CNTN5: variants seen among roughly 807,000 people sequenced by gnomAD.
The protein encoded by CNTN5 is contactin 5.
A neutral mutation model predicts 129.1 loss-of-function variants in CNTN5; 77 were observed. The ratio of observed to expected loss-of-function variants is 0.60; its 90% CI spans 0.50 to 0.72. The LOEUF (loss-of-function observed/expected upper bound fraction) is 0.72. Among genes scored for constraint, CNTN5 ranks in the 30% least tolerant of loss-of-function variants. The probability of loss-of-function intolerance (pLI) is 0.00; values close to 1 mark genes in which losing one functional copy is unlikely to be tolerated. For missense variants in CNTN5, 1,478 were observed against 1,328.8 expected (o/e 1.11, Z -1.75); for synonymous variants, 509 against 465.6 (o/e 1.09, Z -1.20).
chr11:99,164,089 T>A (rs183299565), intron 1 of CNTN5, among the ~76,000 whole-genome samples: 61 of 152,108 alleles, frequency 4.0e-4, no homozygotes, highest in Middle Eastern at 3.4e-3. Flanking sequence ...GCAATTTGGG[T>A]GGCCAAGGCG....
At chr11:99,383,110 C>T (rs892131532) in intron 2 of CNTN5, among the ~76,000 whole-genome samples, 5 of 152,060 alleles carry the variant, frequency 3.3e-5, no homozygotes, top group East Asian at 3.9e-4. Context: ...CTGCCTTGGC[C>T]TCCCAAAGTG....
intron 2 of CNTN5, among the ~76,000 whole-genome samples, chr11:99,484,495 G>C (rs774169217): frequency 6.6e-6 from 1 of 152,046 alleles, no homozygotes; most frequent in Non-Finnish European, 1.5e-5. Flanking sequence ...ACTATAAACA[G>C]TGTTACCATT....
At chr11:99,926,232 G>A (rs998565259) in intron 7 of CNTN5, among the ~76,000 whole-genome samples, 1 of 152,046 alleles carries the variant, frequency 6.6e-6, no homozygotes, top group Non-Finnish European at 1.5e-5. Flanking sequence ...TTAACAGTTG[G>A]CAGAGATTAG....
chr11:100,168,860 A>G (rs1214884601), intron 13 of CNTN5, among the ~76,000 whole-genome samples: 1 of 151,938 alleles, frequency 6.6e-6, no homozygotes, highest in South Asian at 2.1e-4. Context: ...GCCATTAAGA[A>G]CATTCATAGT....
intron 1 of CNTN5, among the ~76,000 whole-genome samples, chr11:99,277,197 A>G (rs1224152041): frequency 3.3e-5 from 5 of 151,656 alleles, no homozygotes; most frequent in Non-Finnish European, 1.5e-5. Flanking sequence ...GAGAAGTTTC[A>G]TTTTTTAAAA....
chr11:99,793,747 A>T (rs558726803), intron 3 of CNTN5, among the ~76,000 whole-genome samples: 15 of 152,072 alleles, frequency 9.9e-5, no homozygotes, highest in Non-Finnish European at 1.3e-4. Context: ...TTCTCTTAGT[A>T]TTGATTTCTA....
At chr11:99,601,844 A>G (rs1016285211) in intron 3 of CNTN5, among the ~76,000 whole-genome samples, 3 of 152,208 alleles carry the variant, frequency 2.0e-5, no homozygotes, top group Non-Finnish European at 2.9e-5. Context: ...ATTTAGAGGT[A>G]TATGTCACAC....
chr11:99,886,696 TA>T (rs1353332562), intron 6 of CNTN5, among the ~76,000 whole-genome samples: 1 of 152,074 alleles, frequency 6.6e-6, no homozygotes, highest in Non-Finnish European at 1.5e-5. Flanking sequence ...AAACATGGAT[TA>T]AAAAAATACA....
At chr11:99,544,493 G>T (rs1165979414) in intron 2 of CNTN5, among the ~76,000 whole-genome samples, 1 of 152,194 alleles carries the variant, frequency 6.6e-6, no homozygotes, top group African/African-American at 2.4e-5. Context: ...TCTGCTTGAA[G>T]AACTGAGTCA....
At chr11:99,514,136 A>T (rs1946951703) in intron 2 of CNTN5, among the ~76,000 whole-genome samples, 1 of 152,128 alleles carries the variant, frequency 6.6e-6, no homozygotes, top group African/African-American at 2.4e-5. Flanking sequence ...TGGAGGAAGT[A>T]ACTGCAGATG....
At position 99,798,964 on chromosome 11, in the gene CNTN5, T is replaced by C. The variant is rs375307841; in HGVS notation, c.56-20580T>C. Among the ~76,000 whole-genome samples, 40 of 152,302 alleles carry C rather than the reference T, an allele frequency of 2.6e-4. No homozygotes were observed. The South Asian group carries it at 6.2e-3, about 24-fold the overall frequency. ...CTTAGCAGCATTTGGTAGTTCTCTT[T>C]GTAGAGATCTTTTATCTCCTTGGTT... On this transcript the variant is annotated intron_variant, in intron 3 of 24. Transcript: ENST00000524871.
intron 2 of CNTN5, among the ~76,000 whole-genome samples, chr11:99,403,625 A>C (rs1237802109): frequency 6.6e-6 from 1 of 152,168 alleles, no homozygotes. Flanking sequence ...CTAGTCGTTC[A>C]GGAGCATATT....
chr11:99,464,613 T>A (rs1565204702), intron 2 of CNTN5, among the ~76,000 whole-genome samples: 2 of 152,168 alleles, frequency 1.3e-5, no homozygotes, highest in Non-Finnish European at 2.9e-5. Context: ...TTGAATTACA[T>A]ACTCAGAGTA....
chr11:100,195,169 A>G (rs1336942197), intron 15 of CNTN5, among the ~76,000 whole-genome samples: 1 of 151,980 alleles, frequency 6.6e-6, no homozygotes, highest in Non-Finnish European at 1.5e-5. Flanking sequence ...AAAATATCAC[A>G]TTTTGATTAA....
chr11:99,670,707 G>C (rs930181696), intron 3 of CNTN5, among the ~76,000 whole-genome samples: 2 of 152,110 alleles, frequency 1.3e-5, no homozygotes, highest in Non-Finnish European at 2.9e-5. Flanking sequence ...AAGATCTGGG[G>C]TGTGGGGGGA....
intron 3 of CNTN5, among the ~76,000 whole-genome samples, chr11:99,795,552 T>A (rs1055676054): frequency 3.3e-5 from 5 of 152,100 alleles, no homozygotes; most frequent in African/African-American, 9.7e-5. Flanking sequence ...TGTGAGCTAA[T>A]GTTCTTTCAA....
intron 2 of CNTN5, among the ~76,000 whole-genome samples, chr11:99,387,640 A>T (rs1035367166): frequency 1.9e-4 from 29 of 149,122 alleles, no homozygotes; most frequent in African/African-American, 5.3e-4. Context: ...AACCAAAGGA[A>T]GTTTCTGTCT....
chr11:100,157,645 A>T (rs925799497), intron 13 of CNTN5, among the ~76,000 whole-genome samples: 3 of 151,870 alleles, frequency 2.0e-5, no homozygotes, highest in African/African-American at 7.2e-5. Context: ...AAAGATTCAC[A>T]TAAAGAAAGA....
At chr11:99,609,705 C>T (rs190134185) in intron 3 of CNTN5, among the ~76,000 whole-genome samples, 16 of 152,204 alleles carry the variant, frequency 1.1e-4, no homozygotes, top group African/African-American at 3.9e-4. Flanking sequence ...TAGGTATCAT[C>T]ATCTCTCAGA....
Sources: allele counts gnomAD v4.1 joint callset (sites outside exome capture counted in the v4.1 genomes callset), GRCh38; gene constraint gnomAD v4.1.1; transcripts MANE v1.5; gene names NCBI Gene and HGNC (gene_info 2026-07-23, HGNC 2026-07-21).